ESRRB: variants seen among roughly 807,000 people sequenced by gnomAD.
ESRRB encodes estrogen related receptor beta, also known as steroid hormone receptor ERR2.
A neutral mutation model predicts 46.0 loss-of-function variants in ESRRB; 16 were observed. That is an observed-to-expected ratio of 0.35 (90% CI 0.24 to 0.53). The LOEUF is 0.53. Ranked by LOEUF, ESRRB falls within the 20% of genes least tolerant of loss-of-function variation. The pLI is 0.93. For synonymous variants in ESRRB, 246 were observed against 259.6 expected, an observed-to-expected ratio of 0.95 and a Z score of 0.50; for missense variants, 488 against 607.4, an observed-to-expected ratio of 0.80 and a Z score of 2.07.
intron 1 of ESRRB, among the ~76,000 whole-genome samples, chr14:76,329,689 G>A (rs370822711): frequency 5.9e-5 from 9 of 152,054 alleles, no homozygotes; most frequent in African/African-American, 1.9e-4. Flanking sequence ...AGACCCGGGC[G>A]CACACTCACA....
At chr14:76,431,303 A>AAAAAC (rs1447486022) in intron 1 of ESRRB, among the ~76,000 whole-genome samples, 1 of 152,156 alleles carries the variant, frequency 6.6e-6, no homozygotes, top group Admixed American at 6.6e-5. Flanking sequence ...CAAACAAAAC[A>AAAAAC]AAAACAAAAC....
intron 2 of ESRRB, among the ~76,000 whole-genome samples, chr14:76,442,816 C>CTTTT (rs1245748328): frequency 3.1e-5 from 4 of 131,080 alleles, no homozygotes; most frequent in Non-Finnish European, 3.3e-5. Flanking sequence ...TCTTTTTTTT[C>CTTTT]TTTTTTTTTT....
intron 1 of ESRRB, among the ~76,000 whole-genome samples, chr14:76,417,237 G>T (rs1344259302): frequency 6.6e-6 from 1 of 152,208 alleles, no homozygotes; most frequent in Non-Finnish European, 1.5e-5. Flanking sequence ...GACTAATGAT[G>T]AGGTGAGCTG....
intron 1 of ESRRB, among the ~76,000 whole-genome samples, chr14:76,412,671 T>C (rs1357463145): frequency 1.3e-5 from 2 of 152,236 alleles, no homozygotes; most frequent in Non-Finnish European, 2.9e-5. Context: ...TCCAGAATTA[T>C]ATAACTGCTG....
At chr14:76,452,590 A>G (rs1888428784) in intron 2 of ESRRB, among the ~76,000 whole-genome samples, 1 of 149,660 alleles carries the variant, frequency 6.7e-6, no homozygotes. Flanking sequence ...ATTGCACTCC[A>G]GCCTGGGCAA....
chr14:76,467,580 C>G (rs55954840), intron 3 of ESRRB, among the ~76,000 whole-genome samples: 1 of 152,100 alleles, frequency 6.6e-6, no homozygotes, highest in South Asian at 2.1e-4. Context: ...TCAGTCTGCC[C>G]CTTGTGTTTG....
chr14:76,354,156 C>G (rs1318824240), intron 1 of ESRRB, among the ~76,000 whole-genome samples: 1 of 151,420 alleles, frequency 6.6e-6, no homozygotes, highest in East Asian at 2.0e-4. Flanking sequence ...TGCCCTTCCT[C>G]ACCCCCGGGA....
intron 1 of ESRRB, among the ~76,000 whole-genome samples, chr14:76,433,258 G>T (rs1336221036): frequency 6.6e-6 from 1 of 152,128 alleles, no homozygotes; most frequent in African/African-American, 2.4e-5. Flanking sequence ...AAGCTGACAC[G>T]TATTTTGTGT....
intron 6 of ESRRB, among the ~76,000 whole-genome samples, chr14:76,492,260 C>A (rs1890261232): frequency 6.6e-6 from 1 of 152,192 alleles, no homozygotes; most frequent in African/African-American, 2.4e-5. Context: ...AACTTTTGGG[C>A]TCAAGCCATC....
At chr14:76,352,451 C>T (rs1884325377) in intron 1 of ESRRB, among the ~76,000 whole-genome samples, 1 of 152,164 alleles carries the variant, frequency 6.6e-6, no homozygotes, top group Non-Finnish European at 1.5e-5. Flanking sequence ...GCTACCTTAA[C>T]CAGGGAGCTG....
At chr14:76,384,130 T>C (rs1295756731) in intron 1 of ESRRB, among the ~76,000 whole-genome samples, 3 of 152,154 alleles carry the variant, frequency 2.0e-5, no homozygotes, top group African/African-American at 7.2e-5. Context: ...AAACAGGACT[T>C]CAGCATGCAG....
In ESRRB at chr14:76,411,594, A is replaced by G. The variant is rs192211062; in HGVS notation, c.51-27747A>G. Among the ~76,000 whole-genome samples the G allele has an allele frequency of 5.0e-4, 76 of 152,188 alleles. 1 individual carries two copies. The highest frequency in any genetic ancestry group is 1.7e-3 in the African/African-American group (72 of 41,524). On this transcript the variant is annotated intron_variant, in intron 1 of 6. Transcript: ENST00000644823. Reference sequence around the variant, plus strand: ...GGATCTTGAGTTCTGCCCACTTCCTACTAGACACTGTGTGTGTTGCAGGAA... The same window carrying G: ...GGATCTTGAGTTCTGCCCACTTCCTGCTAGACACTGTGTGTGTTGCAGGAA...
At chr14:76,486,248 C>T (rs546987481) in intron 5 of ESRRB, among the ~76,000 whole-genome samples, 3 of 152,302 alleles carry the variant, frequency 2.0e-5, no homozygotes, top group East Asian at 3.9e-4. Context: ...CTGCCTCCCT[C>T]GGCAGCCTCA....
chr14:76,429,745 T>C (rs1464770880), intron 1 of ESRRB, among the ~76,000 whole-genome samples: 1 of 151,874 alleles, frequency 6.6e-6, no homozygotes, highest in Non-Finnish European at 1.5e-5. Flanking sequence ...AGTAAAACTC[T>C]GTCTCAAAAA....
At chr14:76,438,966 AT>A (rs34310817) in intron 1 of ESRRB, among the ~76,000 whole-genome samples, 51,651 of 146,786 alleles carry the variant, frequency 0.35, 9,594 homozygotes, top group African/African-American at 0.51. Flanking sequence ...TGCCAGGCTA[AT>A]TTTTTTTTTT....
At position 76,419,768 on chromosome 14, in the gene ESRRB, G is replaced by A. The variant is rs547175510; in HGVS notation, c.51-19573G>A. Among the ~76,000 whole-genome samples, 4 of 152,330 alleles carry A rather than the reference G, an allele frequency of 2.6e-5. No individual in the cohort carries two copies. In the East Asian group the frequency reaches 7.7e-4, roughly 29 times the overall value. On this transcript the variant is annotated intron_variant, in intron 1 of 6. Coordinates refer to ENST00000644823, the MANE Select transcript of ESRRB (RefSeq NM_001379180.1). ...TAGGCTCATAGAAGGTCAAGAACCT[G>A]CTGAAGGTCATGGAGGAAAGAAGGG...
At chr14:76,312,923 A>G (rs970595072) in intron 1 of ESRRB, among the ~76,000 whole-genome samples, 26 of 152,014 alleles carry the variant, frequency 1.7e-4, no homozygotes, top group African/African-American at 6.0e-4. Context: ...CCCCTCCCCA[A>G]CCTGCACACT....
At position 76,500,062 on chromosome 14, in the gene ESRRB, G is replaced by A. The variant is rs371116651; in HGVS notation, c.*1604G>A. ...TCACCCAGCACTAGGACACCAGGAGGCCAGGTAACTTTCTGCAGCTTTTCC... is the reference window on the plus strand; with the variant it reads ...TCACCCAGCACTAGGACACCAGGAGACCAGGTAACTTTCTGCAGCTTTTCC... On this transcript the variant is annotated 3_prime_UTR_variant, in exon 7 of 7. Transcript: ENST00000644823. 82 of 1,550,350 alleles carry A rather than the reference G, an allele frequency of 5.3e-5. No homozygotes were observed. In the Middle Eastern group the frequency reaches 4.9e-3, roughly 92 times the overall value.
chr14:76,413,860 ATCCCCACCCCTGCACCG>A (rs1212784261), intron 1 of ESRRB, among the ~76,000 whole-genome samples: 28 of 14,286 alleles, frequency 2.0e-3, no homozygotes, highest in African/African-American at 8.0e-3. Flanking sequence ...CCCCTGCACC[ATCCCCACCCCTGCACCG>A]TCCCCCGCCC....
Sources: gnomAD v4.1 joint callset for allele counts (sites outside exome capture counted in the v4.1 genomes callset) on GRCh38, gnomAD v4.1.1 for gene constraint, MANE v1.5 for transcripts, NCBI Gene and HGNC (gene_info 2026-07-23, HGNC 2026-07-21) for gene names.